Variants in ZNF827 observed in about 807,000 individuals in gnomAD.
The protein encoded by ZNF827 is zinc finger protein 827.
A neutral mutation model predicts 102.4 loss-of-function variants in ZNF827; 13 were observed. The observed-to-expected ratio is 0.13, with a 90% confidence interval of 0.08 to 0.20. ZNF827 has a LOEUF of 0.20. ZNF827 is among the 10% of genes least tolerant of loss of function. The pLI, the probability that ZNF827 is intolerant of heterozygous loss-of-function variation, is 1.00. For synonymous variants in ZNF827, 523 were observed against 536.2 expected (o/e 0.98, Z 0.34); for missense variants, 1,103 against 1,344.4 (o/e 0.82, Z 2.81).
chr4:145,899,059 T>G (rs1292344907), intron 2 of ZNF827, among the ~76,000 whole-genome samples: 3 of 152,326 alleles, frequency 2.0e-5, no homozygotes, highest in Non-Finnish European at 2.9e-5. Context: ...CGGTTATTAT[T>G]TGTTTACTTA....
intron 5 of ZNF827, among the ~76,000 whole-genome samples, chr4:145,860,231 A>AG (rs1747564639): frequency 6.6e-6 from 1 of 152,212 alleles, no homozygotes; most frequent in East Asian, 1.9e-4. Context: ...TCTTCTTCTC[A>AG]GTAATCCTTG....
chr4:145,774,368 G>T, intron 11 of ZNF827, 138 bp downstream of exon 11: 2 of 933,904 alleles, frequency 2.1e-6, no homozygotes, highest in Non-Finnish European at 3.2e-6. Context: ...TGGCTTTCAT[G>T]CCTTGGGAAA....
rs72958607 is a variant in ZNF827, at chr4:145,926,160, T to C, written c.43+12205A>G. ...CAATCCCTGACACACTTTGCTCAATTAGTGCTGGTGAAATGAATGAATGAA... is the reference window on the plus strand; with the variant it reads ...CAATCCCTGACACACTTTGCTCAATCAGTGCTGGTGAAATGAATGAATGAA... On this transcript the variant is annotated intron_variant, in intron 1 of 14. Transcript: ENST00000508784. Among the ~76,000 whole-genome samples, 1,148 of 152,352 alleles carry C rather than the reference T, an allele frequency of 7.5e-3. 21 individuals carry two copies. Among genetic ancestry groups the C allele is most frequent in the African/African-American group, 0.027 (1,119 of 41,580 alleles).
At chr4:145,897,529 C>A (rs956782008) in intron 2 of ZNF827, among the ~76,000 whole-genome samples, 2 of 152,160 alleles carry the variant, frequency 1.3e-5, no homozygotes, top group African/African-American at 4.8e-5. Flanking sequence ...TGTAGGATGA[C>A]GACCTATCTT....
At chr4:145,905,678 G>A (rs1751801105) in intron 1 of ZNF827, among the ~76,000 whole-genome samples, 1 of 151,996 alleles carries the variant, frequency 6.6e-6, no homozygotes, top group Non-Finnish European at 1.5e-5. Context: ...TCAACAATAG[G>A]GCTAATTTTA....
chr4:145,829,092 AG>A (rs1193226130), intron 7 of ZNF827, among the ~76,000 whole-genome samples: 1 of 152,262 alleles, frequency 6.6e-6, no homozygotes, highest in Non-Finnish European at 1.5e-5. Context: ...TGTGAGAGAA[AG>A]TTTGGAAAAG....
chr4:145,907,237 T>A (rs143811637), intron 1 of ZNF827: 1 of 455,942 alleles, frequency 2.2e-6, no homozygotes, highest in African/African-American at 2.0e-5. Context: ...GGCTCCTCTA[T>A]TTTCATGTCC....
Position 145,892,412 on chromosome 4 carries a change from G to A in ZNF827, c.1097C>T (p.Ser366Leu), listed in dbSNP as rs1750671822. The change falls in exon 3 of 15, where the codon TCA becomes TTA. Residue 366 changes from serine (S) to leucine (L), a missense_variant. Coordinates refer to ENST00000508784, the MANE Select transcript of ZNF827 (RefSeq NM_001306215.2). ...GRVSKPSNSA[S>L]EEESGKPFQC... ...GAAAGGCTTTCCACTTTCCTCTTCTGAGGCTTGGAAGAAGGAGAAAGAAAG... is the reference window on the plus strand; with the variant it reads ...GAAAGGCTTTCCACTTTCCTCTTCTAAGGCTTGGAAGAAGGAGAAAGAAAG... The A allele has an allele frequency of 6.2e-7, 1 of 1,611,688 alleles. No individual in the cohort carries two copies. The highest frequency in any genetic ancestry group is 8.5e-7 in the Non-Finnish European group (1 of 1,178,632).
intron 3 of ZNF827, among the ~76,000 whole-genome samples, chr4:145,888,828 G>A (rs1346552537): frequency 1.3e-5 from 2 of 152,196 alleles, no homozygotes; most frequent in Non-Finnish European, 1.5e-5. Context: ...ATGGAAATCT[G>A]AGATAACCCC....
intron 1 of ZNF827, among the ~76,000 whole-genome samples, chr4:145,934,577 G>A (rs939100464): frequency 6.6e-6 from 1 of 152,140 alleles, no homozygotes; most frequent in Non-Finnish European, 1.5e-5. Context: ...TCTGTGCCAG[G>A]GGCTGAGGCT....
intron 2 of ZNF827, 119 bp from the exon 3 acceptor site, chr4:145,892,534 G>T: frequency 9.2e-7 from 1 of 1,082,624 alleles, no homozygotes; most frequent in Non-Finnish European, 1.3e-6. Context: ...TTTTTTTCTT[G>T]ACAATTCCGA....
rs994557943 is a variant in ZNF827 at position 145,886,288 on chromosome 4, C to A, written c.1267-130G>T. The A allele has an allele frequency of 2.9e-6, 4 of 1,384,234 alleles. No homozygotes were observed. In the African/African-American group the frequency reaches 5.8e-5, roughly 20 times the overall value. 85.7% of individuals were successfully genotyped at this position (1,384,234 alleles called of 1,614,324 possible). Reference sequence around the variant, plus strand: ...CTGGCCTTTGTACTGCAGAGCATTTCACTATGGGGCTCCAGGTAATGAGGC... The same window carrying A: ...CTGGCCTTTGTACTGCAGAGCATTTAACTATGGGGCTCCAGGTAATGAGGC... On this transcript the variant is annotated intron_variant, in intron 3 of 14. Coordinates refer to ENST00000508784, the MANE Select transcript of ZNF827 (RefSeq NM_001306215.2).
rs72954646 is a variant in ZNF827 at position 145,843,912 on chromosome 4, G to A, written c.2279+2044C>T. Among the ~76,000 whole-genome samples the A allele has an allele frequency of 9.3e-3, 1,414 of 152,186 alleles. 32 individuals are homozygous for A. Among genetic ancestry groups the A allele is most frequent in the African/African-American group, 0.033 (1,351 of 41,520 alleles). ...AGCTCCTTCTCCTTCTCTTTCCTCC[G>A]TCTTCTGCCCCCATCACCTCCTTGC... On this transcript the variant is annotated intron_variant, in intron 7 of 14. Transcript: ENST00000508784.
In ZNF827 at chr4:145,763,194, G is replaced by T; in HGVS notation, c.3231-72C>A. The T allele has an allele frequency of 1.4e-6, 2 of 1,463,146 alleles. No homozygotes were observed. Among genetic ancestry groups the T allele is most frequent in the Non-Finnish European group, 1.8e-6 (2 of 1,089,976 alleles). The allele number at this position is 1,463,146 out of a possible 1,614,324, so 90.6% of individuals were successfully genotyped here. On this transcript the variant is annotated intron_variant, in intron 13 of 14. Coordinates refer to ENST00000508784, the MANE Select transcript of ZNF827 (RefSeq NM_001306215.2). The surrounding 1 kb of genome is among the most constrained non-coding windows in gnomAD (Gnocchi z 4.6). ...ATGAACAGGATATAGAGTACAAGCA[G>T]TTCCATCACAGAAAAGCAATTTAGA...
intron 1 of ZNF827, among the ~76,000 whole-genome samples, chr4:145,921,392 T>C (rs1488187417): frequency 6.7e-6 from 1 of 148,966 alleles, no homozygotes; most frequent in Non-Finnish European, 1.5e-5. Flanking sequence ...ATGAGTGTTT[T>C]AGAAAGTCTG....
intron 8 of ZNF827, among the ~76,000 whole-genome samples, chr4:145,808,771 G>C (rs931490333): frequency 6.6e-6 from 1 of 152,012 alleles, no homozygotes; most frequent in Non-Finnish European, 1.5e-5. Flanking sequence ...CATTTTTCTG[G>C]AGTCACAGTT....
At chr4:145,817,392 T>C (rs1485034092) in intron 8 of ZNF827, among the ~76,000 whole-genome samples, 10 of 152,174 alleles carry the variant, frequency 6.6e-5, no homozygotes, top group Admixed American at 1.3e-4. Context: ...ATTTTCACAC[T>C]GCTATAAAAA....
At chr4:145,907,117 G>A (rs1354577681) in intron 1 of ZNF827, 3 of 456,540 alleles carry the variant, frequency 6.6e-6, no homozygotes, top group Non-Finnish European at 1.3e-5. Flanking sequence ...AGAAAATGAG[G>A]ATGTGCAGAG....
intron 8 of ZNF827, among the ~76,000 whole-genome samples, chr4:145,813,365 G>A (rs1374144604): frequency 2.0e-5 from 3 of 151,984 alleles, no homozygotes; most frequent in Admixed American, 1.3e-4. Flanking sequence ...TTATTAAATT[G>A]TTCTATTTCA....
Sources: allele counts gnomAD v4.1 joint callset (sites outside exome capture counted in the v4.1 genomes callset), GRCh38; gene constraint gnomAD v4.1.1; non-coding constraint Gnocchi (gnomAD v3.1); transcripts MANE v1.5; gene names NCBI Gene and HGNC (gene_info 2026-07-23, HGNC 2026-07-21).